Variants in ACSS3 observed in about 807,000 individuals in gnomAD.
ACSS3 encodes the protein acyl-CoA synthetase short-chain family member 3, mitochondrial.
A neutral mutation model predicts 84.2 loss-of-function variants in ACSS3; 64 were observed. That is an observed-to-expected ratio of 0.76 (90% CI 0.62 to 0.94). The LOEUF (loss-of-function observed/expected upper bound fraction) is 0.94. Among genes scored for constraint, ACSS3 ranks in the 40% least tolerant of loss-of-function variants. ACSS3 has a pLI of 0.00. For synonymous variants in ACSS3, 317 were observed against 310.1 expected (o/e 1.02, Z -0.23); for missense variants, 815 against 867.6 (o/e 0.94, Z 0.76).
intron 7 of ACSS3, among the ~76,000 whole-genome samples, chr12:81,155,540 A>G (rs1384250608): frequency 6.6e-6 from 1 of 152,164 alleles, no homozygotes; most frequent in Non-Finnish European, 1.5e-5. Flanking sequence ...TGTTAATGTT[A>G]CCTCCATTCA....
intron 7 of ACSS3, among the ~76,000 whole-genome samples, chr12:81,169,507 A>C (rs888214745): frequency 2.0e-5 from 3 of 152,136 alleles, no homozygotes; most frequent in African/African-American, 7.2e-5. Context: ...GAAAGGGAAA[A>C]CATTGGAAAC....
intron 13 of ACSS3, among the ~76,000 whole-genome samples, chr12:81,251,667 A>C (rs1479092334): frequency 7.6e-6 from 1 of 131,430 alleles, no homozygotes; most frequent in Non-Finnish European, 1.6e-5. Flanking sequence ...CCCCATCTCT[A>C]CAAAAAAAAA....
chr12:81,147,280 A>G (rs1051811850), intron 5 of ACSS3, among the ~76,000 whole-genome samples: 3 of 152,234 alleles, frequency 2.0e-5, no homozygotes, highest in African/African-American at 7.2e-5. Flanking sequence ...ACTAAGTTCT[A>G]CAAGTGTCAA....
intron 5 of ACSS3, among the ~76,000 whole-genome samples, chr12:81,144,632 T>A (rs1050540605): frequency 1.3e-5 from 2 of 152,126 alleles, no homozygotes; most frequent in African/African-American, 4.8e-5. Flanking sequence ...AAACACAGTA[T>A]AACTTAATTT....
At chr12:81,181,920 A>G (rs1334531387) in intron 8 of ACSS3, among the ~76,000 whole-genome samples, 1 of 152,156 alleles carries the variant, frequency 6.6e-6, no homozygotes, top group Non-Finnish European at 1.5e-5. Flanking sequence ...ATGGGACGTC[A>G]TTAAGTGAAG....
At position 81,227,398 on chromosome 12, in the gene ACSS3, TACAC is replaced by T. The variant is rs34993441; in HGVS notation, c.1515-3637_1515-3634del. Among the ~76,000 whole-genome samples the T allele has an allele frequency of 1.4e-4, 21 of 148,692 alleles. No individual in the cohort carries two copies. In the East Asian group the frequency reaches 1.8e-3, roughly 13 times the overall value. On this transcript the variant is annotated intron_variant, in intron 11 of 15. Coordinates refer to ENST00000548058, the MANE Select transcript of ACSS3 (RefSeq NM_024560.4). ...CCTATTCATAATGTTGAGGACTATT[TACAC>T]ACACACACACACACACACACAAGTG...
Position 81,258,070 on chromosome 12 carries a change from T to C in ACSS3, c.*3148T>C, listed in dbSNP as rs1238764133. The stretch of plus-strand genomic sequence containing the variant: ...GTTTAGATGAGCTTAGAAAGCTACT[T>C]CTCATTGTTCCTACTCAGGCCACAT... On this transcript the variant is annotated 3_prime_UTR_variant, in exon 16 of 16. Transcript: ENST00000548058. 6.6e-6 allele frequency: 1 copy of C among 152,134 alleles called. No homozygotes were observed. Among genetic ancestry groups the C allele is most frequent in the Admixed American group, 6.5e-5 (1 of 15,268 alleles). The allele number at this position is 152,134 out of a possible 1,614,324, so 9.4% of individuals were successfully genotyped here.
chr12:81,239,462 C>G (rs11114801), intron 13 of ACSS3, among the ~76,000 whole-genome samples: 8 of 151,814 alleles, frequency 5.3e-5, no homozygotes, highest in African/African-American at 1.9e-4. Context: ...AAAGACATAC[C>G]TGAGACTGGG....
At chr12:81,114,572 T>C (rs998727995) in intron 2 of ACSS3, among the ~76,000 whole-genome samples, 2 of 152,158 alleles carry the variant, frequency 1.3e-5, no homozygotes, top group Non-Finnish European at 2.9e-5. Context: ...TGGCTTTTAT[T>C]ATCTGTTTCC....
chr12:81,187,463 A>C (rs1287225871), intron 8 of ACSS3, among the ~76,000 whole-genome samples: 1 of 151,912 alleles, frequency 6.6e-6, no homozygotes, highest in Non-Finnish European at 1.5e-5. Context: ...GCTCATATTC[A>C]GAGCTAATAC....
chr12:81,240,790 A>G (rs2033773487), intron 13 of ACSS3, among the ~76,000 whole-genome samples: 1 of 152,014 alleles, frequency 6.6e-6, no homozygotes. Context: ...CTCAAATAAT[A>G]CATATTACTT....
At chr12:81,205,656 A>G (rs146812936) in intron 9 of ACSS3, among the ~76,000 whole-genome samples, 223 of 152,086 alleles carry the variant, frequency 1.5e-3, no homozygotes, top group Non-Finnish European at 1.4e-3. Flanking sequence ...TTTTTCCGTG[A>G]TCATCCTCTT....
intron 11 of ACSS3, among the ~76,000 whole-genome samples, chr12:81,225,988 T>C (rs1321212337): frequency 6.6e-6 from 1 of 151,962 alleles, no homozygotes; most frequent in Non-Finnish European, 1.5e-5. Flanking sequence ...CCTGCCTTTG[T>C]GCATTAAGCC....
intron 1 of ACSS3, among the ~76,000 whole-genome samples, chr12:81,087,562 A>G (rs1654384622): frequency 6.6e-6 from 1 of 152,126 alleles, no homozygotes; most frequent in Non-Finnish European, 1.5e-5. Flanking sequence ...ACTCCGTATT[A>G]TTGTCCATTT....
Position 81,134,857 on chromosome 12 carries a change from G to A in ACSS3, c.498G>A (p.Lys166=). Residue 166 remains lysine (K), a synonymous_variant, in exon 3 of 16, where the codon AAG becomes AAA. Transcript: ENST00000548058. ...LAGVLVKHGI[K]KGDTVVIYMP... ...GTGTCTTGGTCAAGCATGGCATCAA[G>A]AAAGGTGACACTGTGGTTATCTACA... 1 of 1,590,126 alleles carries A rather than the reference G, an allele frequency of 6.3e-7. No individual in the cohort carries two copies. Among genetic ancestry groups the A allele is most frequent in the East Asian group, 2.3e-5 (1 of 44,132 alleles).
At chr12:81,252,899 G>C (rs2034195815) in intron 13 of ACSS3, among the ~76,000 whole-genome samples, 1 of 152,200 alleles carries the variant, frequency 6.6e-6, no homozygotes, top group South Asian at 2.1e-4. Context: ...CCTCTGGAAG[G>C]TATGCCTATG....
At position 81,109,654 on chromosome 12, in the gene ACSS3, C is replaced by G. The variant is rs770014944; in HGVS notation, c.406C>G (p.Pro136Ala). ...TAAGATTGCTATCATCTATGACAGT[C>G]CTGTTACAAACACTAAAGCAACCTT... ...GDKIAIIYDSPVTNTKATFTY... is the reference protein window; with the variant it reads ...GDKIAIIYDSAVTNTKATFTY... The change falls in exon 2 of 16, where the codon CCT (proline) becomes GCT (alanine). Residue 136 changes from proline to alanine, a missense_variant. Transcript: ENST00000548058. The G allele has an allele frequency of 7.4e-5, 119 of 1,610,810 alleles. No individual in the cohort carries two copies. Among genetic ancestry groups the G allele is most frequent in the Admixed American group, 5.7e-4 (34 of 59,682 alleles).
At position 81,255,709 on chromosome 12, in the gene ACSS3, A is replaced by T. The variant is rs954631788; in HGVS notation, c.*787A>T. The stretch of plus-strand genomic sequence containing the variant: ...GTGGCGGGAGGCTGAGGCAAGGAGA[A>T]TCACTTGAATACAAGAGGCAGAGGT... On this transcript the variant is annotated 3_prime_UTR_variant, in exon 16 of 16. Coordinates refer to ENST00000548058, the MANE Select transcript of ACSS3 (RefSeq NM_024560.4). 1 of 152,304 alleles carries T rather than the reference A, an allele frequency of 6.6e-6. No homozygotes were observed. Among genetic ancestry groups the T allele is most frequent in the Non-Finnish European group, 1.5e-5 (1 of 68,146 alleles). 9.4% of individuals were successfully genotyped at this position (152,304 alleles called of 1,614,324 possible).
chr12:81,253,284 AT>A, intron 13 of ACSS3, 22 bp from the exon 14 acceptor site: 2 of 1,595,198 alleles, frequency 1.3e-6, no homozygotes, highest in Non-Finnish European at 1.7e-6. Flanking sequence ...TGTATTCTAA[AT>A]GAATGCCTTT....
Sources: gnomAD v4.1 joint callset for allele counts (sites outside exome capture counted in the v4.1 genomes callset) on GRCh38, gnomAD v4.1.1 for gene constraint, MANE v1.5 for transcripts, NCBI Gene and HGNC (gene_info 2026-07-23, HGNC 2026-07-21) for gene names.